The following DPYSL2 variants were observed in gnomAD, a reference collection of about 807,000 sequenced individuals.
The protein encoded by DPYSL2 is dihydropyrimidinase like 2.
In DPYSL2, 13 loss-of-function variants were observed where a neutral mutation model predicts 69.9. That is an observed-to-expected ratio of 0.19 (90% CI 0.12 to 0.30). DPYSL2 has a LOEUF of 0.30. Ranked by LOEUF, DPYSL2 falls within the 10% of genes least tolerant of loss-of-function variation. The probability of loss-of-function intolerance (pLI) is 1.00; values close to 1 mark genes in which losing one functional copy is unlikely to be tolerated. For synonymous variants in DPYSL2, 326 were observed against 359.1 expected, an observed-to-expected ratio of 0.91 and a Z score of 1.04; for missense variants, 587 against 918.9, an observed-to-expected ratio of 0.64 and a Z score of 4.67.
Position 26,597,219 on chromosome 8 carries a change from AGAG to A in DPYSL2, c.628+13240_628+13242del, listed in dbSNP as rs1801881238. 6.6e-6 allele frequency among the ~76,000 whole-genome samples: 1 copy of A among 152,192 alleles called. No individual in the cohort carries two copies. Among genetic ancestry groups the A allele is most frequent in the South Asian group, 2.1e-4 (1 of 4,834 alleles). On this transcript the variant is annotated intron_variant, in intron 3 of 13. Transcript: ENST00000521913. This position sits in a 1 kb window ranked among gnomAD's most constrained non-coding sequence, Gnocchi z 5.2. ...CAGAGGGGGATTTGGAGAGCAATCAAGAGGAGTAACTGATGCCATGCATTCATC... is the reference window on the plus strand; with the variant it reads ...CAGAGGGGGATTTGGAGAGCAATCAAGAGTAACTGATGCCATGCATTCATC...
chr8:26,620,219 A>G lies in DPYSL2; in HGVS notation c.629-3924A>G, dbSNP rs1038477417. Among the ~76,000 whole-genome samples, 2 of 152,064 alleles carry G rather than the reference A, an allele frequency of 1.3e-5. No homozygotes were observed. The highest frequency in any genetic ancestry group is 2.4e-5 in the African/African-American group (1 of 41,396). ...TGGGAATGAGTGCCTTGGCCTAAGG[A>G]GAAGGGAAGAAAATCTTGTGGAGGA... On this transcript the variant is annotated intron_variant, in intron 3 of 13. Transcript: ENST00000521913. The surrounding 1 kb of genome is among the most constrained non-coding windows in gnomAD (Gnocchi z 4.5).
intron 3 of DPYSL2, among the ~76,000 whole-genome samples, chr8:26,623,670 G>A (rs1012576341): frequency 5.9e-5 from 9 of 152,154 alleles, no homozygotes; most frequent in Admixed American, 4.6e-4. Flanking sequence ...AAATGTGAGC[G>A]GTAATGAGAG....
chr8:26,552,226 A>G (rs1800883654), intron 1 of DPYSL2, among the ~76,000 whole-genome samples: 1 of 152,212 alleles, frequency 6.6e-6, no homozygotes, highest in Admixed American at 6.5e-5. Context: ...AAATTTGTGG[A>G]CCGCAGCAAA....
chr8:26,528,220 C>T (rs184751845), intron 1 of DPYSL2, among the ~76,000 whole-genome samples: 157 of 152,294 alleles, frequency 1.0e-3, no homozygotes, highest in African/African-American at 3.4e-3. Flanking sequence ...ACTTCCTGCA[C>T]GGTCCCTTTC....
rs1801237365 is a variant in DPYSL2 at position 26,571,481 on chromosome 8, AC to A, written c.355-10484del. ...CTTTGTCCCCATCAGGGATAGAAAG[AC>A]CCCAGGGAACATCTGTAGCCACCCA... On this transcript the variant is annotated intron_variant, in intron 1 of 13. Transcript: ENST00000521913. The surrounding 1 kb of genome is among the most constrained non-coding windows in gnomAD (Gnocchi z 6.1). 6.6e-6 allele frequency among the ~76,000 whole-genome samples: 1 copy of A among 152,028 alleles called. No individual in the cohort carries two copies. Among genetic ancestry groups the A allele is most frequent in the Admixed American group, 6.6e-5 (1 of 15,258 alleles).
Position 26,585,580 on chromosome 8 carries a change from C to G in DPYSL2, c.628+1597C>G, listed in dbSNP as rs1801583999. The stretch of plus-strand genomic sequence containing the variant: ...TGTCGGGGGGAGATTTCATGCACAC[C>G]TAGGGAGAGCAGAGCCTGCACCTTG... On this transcript the variant is annotated intron_variant, in intron 3 of 13. Coordinates refer to ENST00000521913, the MANE Select transcript of DPYSL2 (RefSeq NM_001197293.3). This position sits in a 1 kb window ranked among gnomAD's most constrained non-coding sequence, Gnocchi z 4.0. 6.6e-6 allele frequency among the ~76,000 whole-genome samples: 1 copy of G among 152,110 alleles called. No individual in the cohort carries two copies. The highest frequency in any genetic ancestry group is 2.1e-4 in the South Asian group (1 of 4,834).
chr8:26,521,713 C>CT (rs200173008), intron 1 of DPYSL2, among the ~76,000 whole-genome samples: 9 of 151,156 alleles, frequency 6.0e-5, no homozygotes, highest in East Asian at 5.8e-4. Context: ...CTGCATTCTG[C>CT]TTTTTTTTTC....
intron 1 of DPYSL2, among the ~76,000 whole-genome samples, chr8:26,540,084 G>A (rs1051099117): frequency 7.2e-5 from 11 of 152,206 alleles, no homozygotes; most frequent in African/African-American, 2.7e-4. Context: ...AGGAAGCTTA[G>A]TGAGCTACAA....
In DPYSL2 at chr8:26,642,982, A is replaced by G. The variant is rs1399807636; in HGVS notation, c.1127-457A>G. The G allele has an allele frequency of 6.5e-6, 1 of 154,296 alleles. No homozygotes were observed. Among genetic ancestry groups the G allele is most frequent in the Non-Finnish European group, 1.4e-5 (1 of 69,552 alleles). The allele number at this position is 154,296 out of a possible 1,614,324, so 9.6% of individuals were successfully genotyped here. ...GTGTGATTTCCTCCCGCAGACCTTT[A>G]GTCAGAGCTAGACACTGTGAAGGGC... is the stretch of plus-strand genomic sequence containing the variant. On this transcript the variant is annotated intron_variant, in intron 8 of 13. Transcript: ENST00000521913. The surrounding 1 kb of genome is among the most constrained non-coding windows in gnomAD (Gnocchi z 5.3).
In DPYSL2 at chr8:26,609,389, TG is replaced by T. The variant is rs1802178784; in HGVS notation, c.629-14749del. ...GTGTATGTAAGTAGATGTTCTTCTG[TG>T]GGGGCTGCAAGTCCTTAAGTTATAG... On this transcript the variant is annotated intron_variant, in intron 3 of 13. Transcript: ENST00000521913. The surrounding 1 kb of genome is among the most constrained non-coding windows in gnomAD (Gnocchi z 6.5). Among the ~76,000 whole-genome samples, 1 of 152,140 alleles carries T rather than the reference TG, an allele frequency of 6.6e-6. No individual in the cohort carries two copies. The highest frequency in any genetic ancestry group is 6.5e-5 in the Admixed American group (1 of 15,276).
At chr8:26,552,661 C>A (rs1800889206) in intron 1 of DPYSL2, among the ~76,000 whole-genome samples, 1 of 152,218 alleles carries the variant, frequency 6.6e-6, no homozygotes, top group African/African-American at 2.4e-5. Context: ...CAGGGCATCA[C>A]ATGTGAGAGT....
chr8:26,532,734 T>G (rs1800531359), intron 1 of DPYSL2, among the ~76,000 whole-genome samples: 3 of 152,246 alleles, frequency 2.0e-5, no homozygotes. Context: ...GAAATTCCAT[T>G]GTATGGATAT....
At position 26,626,291 on chromosome 8, in the gene DPYSL2, T is replaced by G. The variant is rs1802609715; in HGVS notation, c.794-326T>G. 6.6e-6 allele frequency among the ~76,000 whole-genome samples: 1 copy of G among 152,226 alleles called. No homozygotes were observed. The highest frequency in any genetic ancestry group is 2.1e-4 in the South Asian group (1 of 4,826). ...TTTTGGCTATTGTGAATAATTCTGC[T>G]ATGAACATGGATGTGCAAACACTGG... is the stretch of plus-strand genomic sequence containing the variant. On this transcript the variant is annotated intron_variant, in intron 4 of 13. Coordinates refer to ENST00000521913, the MANE Select transcript of DPYSL2 (RefSeq NM_001197293.3). This position sits in a 1 kb window ranked among gnomAD's most constrained non-coding sequence, Gnocchi z 4.3.
At chr8:26,555,607 G>A (rs2117641792) in intron 1 of DPYSL2, among the ~76,000 whole-genome samples, 1 of 152,130 alleles carries the variant, frequency 6.6e-6, no homozygotes, top group Non-Finnish European at 1.5e-5. Flanking sequence ...CTAAATATAT[G>A]GAAAGGCTTG....
rs1040277257 is a variant in DPYSL2, at chr8:26,593,772, G to C, written c.628+9789G>C. On this transcript the variant is annotated intron_variant, in intron 3 of 13. Transcript: ENST00000521913. This position sits in a 1 kb window ranked among gnomAD's most constrained non-coding sequence, Gnocchi z 5.7. ...GCAGAGGGGAACTGGAATGTGGACT[G>C]CTGTCCCCAGCCTGTGGCCACCTGC... Among the ~76,000 whole-genome samples the C allele has an allele frequency of 6.6e-6, 1 of 152,170 alleles. No individual in the cohort carries two copies. Among genetic ancestry groups the C allele is most frequent in the African/African-American group, 2.4e-5 (1 of 41,442 alleles).
chr8:26,578,864 G>T (rs1237948980), intron 1 of DPYSL2, among the ~76,000 whole-genome samples: 2 of 152,220 alleles, frequency 1.3e-5, no homozygotes, highest in Non-Finnish European at 2.9e-5. Flanking sequence ...GTGTGGAAAC[G>T]GGAAGGAAAA....
At chr8:26,561,119 T>C (rs1026531264) in intron 1 of DPYSL2, among the ~76,000 whole-genome samples, 1 of 152,160 alleles carries the variant, frequency 6.6e-6, no homozygotes, top group Admixed American at 6.5e-5. Flanking sequence ...GGGTTGGTCA[T>C]TGGGCATTTC....
At position 26,560,636 on chromosome 8, in the gene DPYSL2, A is replaced by G. The variant is rs1016879638; in HGVS notation, c.355-21333A>G. 4.6e-5 allele frequency among the ~76,000 whole-genome samples: 7 copies of G among 152,200 alleles called. No homozygotes were observed. The highest frequency in any genetic ancestry group is 1.7e-4 in the African/African-American group (7 of 41,462). Reference sequence around the variant, plus strand: ...TGATACCCAATATCTCACTTGAACCAGGTTCATCTCTATGCTTTAATAGAA... The same window carrying G: ...TGATACCCAATATCTCACTTGAACCGGGTTCATCTCTATGCTTTAATAGAA... On this transcript the variant is annotated intron_variant, in intron 1 of 13. Coordinates refer to ENST00000521913, the MANE Select transcript of DPYSL2 (RefSeq NM_001197293.3). The surrounding 1 kb of genome is among the most constrained non-coding windows in gnomAD (Gnocchi z 4.4).
In DPYSL2 at chr8:26,647,551, A is replaced by G. The variant is rs1803193853; in HGVS notation, c.1426-79A>G. 1.3e-5 allele frequency: 19 copies of G among 1,449,824 alleles called. No individual in the cohort carries two copies. The highest frequency in any genetic ancestry group is 1.7e-5 in the Non-Finnish European group (18 of 1,069,612). 89.8% of individuals were successfully genotyped at this position (1,449,824 alleles called of 1,614,324 possible). A position where few individuals can be genotyped will look rare whatever the true frequency, so the allele number is the denominator to read the frequency against. The stretch of plus-strand genomic sequence containing the variant: ...TCCATCTAAGCTGTCGTGTGTATCA[A>G]TAGTTTGTTATTGAAAAGTAACTTT... On this transcript the variant is annotated intron_variant, in intron 10 of 13. Transcript: ENST00000521913. This position sits in a 1 kb window ranked among gnomAD's most constrained non-coding sequence, Gnocchi z 5.1.
Sources: allele counts gnomAD v4.1 joint callset (sites outside exome capture counted in the v4.1 genomes callset), GRCh38; gene constraint gnomAD v4.1.1; non-coding constraint Gnocchi (gnomAD v3.1); transcripts MANE v1.5; gene names NCBI Gene and HGNC (gene_info 2026-07-23, HGNC 2026-07-21).